The following SPAG16 variants were observed in gnomAD, a reference collection of about 807,000 sequenced individuals.
SPAG16 encodes the protein sperm associated antigen 16, also known as sperm-associated antigen 16 protein.
A neutral mutation model predicts 80.4 loss-of-function variants in SPAG16; 86 were observed. The observed-to-expected ratio is 1.07, with a 90% CI of 0.90 to 1.28. The LOEUF is 1.28. Ranked by LOEUF, SPAG16 falls within the 50% of genes most tolerant of loss-of-function variation. The pLI is 0.00. For synonymous variants in SPAG16, 294 were observed against 265.9 expected, an observed-to-expected ratio of 1.11 and a Z score of -1.03; for missense variants, 870 against 765.3, an observed-to-expected ratio of 1.14 and a Z score of -1.61.
chr2:214,271,226 T>C (rs1691972611), intron 15 of SPAG16, among the ~76,000 whole-genome samples: 1 of 152,166 alleles, frequency 6.6e-6, no homozygotes, highest in African/African-American at 2.4e-5. Flanking sequence ...CATAGGAAAT[T>C]AGGAAGTTTT....
intron 10 of SPAG16, among the ~76,000 whole-genome samples, chr2:213,549,115 A>G (rs1029653737): frequency 6.6e-6 from 1 of 151,982 alleles, no homozygotes; most frequent in Admixed American, 6.6e-5. Context: ...TCAAAATGGA[A>G]CTCAATTTTA....
chr2:214,124,517 C>T (rs1356274411), intron 14 of SPAG16, among the ~76,000 whole-genome samples: 1 of 151,838 alleles, frequency 6.6e-6, no homozygotes, highest in African/African-American at 2.4e-5. Context: ...GATTGTTTTA[C>T]ATAACAGGGA....
At chr2:213,836,111 T>C (rs1195985104) in intron 10 of SPAG16, among the ~76,000 whole-genome samples, 1 of 151,940 alleles carries the variant, frequency 6.6e-6, no homozygotes, top group African/African-American at 2.4e-5. Flanking sequence ...CACAATCAAC[T>C]GGTAATACTA....
At chr2:214,283,333 C>T (rs1049593984) in intron 15 of SPAG16, among the ~76,000 whole-genome samples, 11 of 152,052 alleles carry the variant, frequency 7.2e-5, no homozygotes, top group Non-Finnish European at 1.5e-4. Flanking sequence ...CAGCAACAAC[C>T]ACCACAAAAA....
At chr2:214,307,620 T>C (rs1695010188) in intron 15 of SPAG16, among the ~76,000 whole-genome samples, 1 of 152,180 alleles carries the variant, frequency 6.6e-6, no homozygotes, top group African/African-American at 2.4e-5. Context: ...CTCAAAGAAC[T>C]TCTTGACTTC....
At chr2:213,365,358 T>C (rs1171835653) in intron 8 of SPAG16, 3 of 152,186 alleles carry the variant, frequency 2.0e-5, no homozygotes, top group Non-Finnish European at 4.4e-5. Context: ...TGGAAAATAC[T>C]AATAAGTGAA....
chr2:214,346,610 C>T (rs1698070240), intron 15 of SPAG16, among the ~76,000 whole-genome samples: 1 of 152,120 alleles, frequency 6.6e-6, no homozygotes, highest in African/African-American at 2.4e-5. Context: ...CGCTATGTGA[C>T]CTGGGACTAG....
At chr2:214,236,132 C>G (rs1689060811) in intron 15 of SPAG16, among the ~76,000 whole-genome samples, 1 of 152,106 alleles carries the variant, frequency 6.6e-6, no homozygotes, top group South Asian at 2.1e-4. Context: ...GTGTAAATAG[C>G]TCCCATCTGA....
chr2:214,222,364 G>A (rs765887295), intron 15 of SPAG16, among the ~76,000 whole-genome samples: 1 of 152,018 alleles, frequency 6.6e-6, no homozygotes, highest in East Asian at 1.9e-4. Flanking sequence ...TGATCCACCC[G>A]CCTTGGCCTC....
At chr2:214,110,758 G>A (rs2053623444) in intron 14 of SPAG16, among the ~76,000 whole-genome samples, 1 of 152,180 alleles carries the variant, frequency 6.6e-6, no homozygotes, top group South Asian at 2.1e-4. Context: ...GACCAACAGT[G>A]TAAAAGCATT....
chr2:213,737,570 C>T (rs1432668901), intron 10 of SPAG16, among the ~76,000 whole-genome samples: 1 of 150,376 alleles, frequency 6.6e-6, no homozygotes, highest in Non-Finnish European at 1.5e-5. Flanking sequence ...TCACTGCAAG[C>T]TCCGCCTCCC....
At chr2:214,347,009 G>T (rs1356861488) in intron 15 of SPAG16, among the ~76,000 whole-genome samples, 1 of 152,174 alleles carries the variant, frequency 6.6e-6, no homozygotes, top group Non-Finnish European at 1.5e-5. Flanking sequence ...ACAGAATTTG[G>T]TACCTGAAAG....
In SPAG16 at chr2:214,396,299, T is replaced by C. The variant is rs192367954; in HGVS notation, c.1721-13841T>C. On this transcript the variant is annotated intron_variant, in intron 15 of 15. Coordinates refer to ENST00000331683, the MANE Select transcript of SPAG16 (RefSeq NM_024532.5). ...CTCCAGTTTGTTTTTTTAATGATTA[T>C]ATTTAGTATCTTCATTTATCACTCA... 3.9e-3 allele frequency among the ~76,000 whole-genome samples: 591 copies of C among 152,274 alleles called. 1 individual carries two copies. The highest frequency in any genetic ancestry group is 0.01 in the Middle Eastern group (3 of 294).
At chr2:213,602,646 GCAA>G (rs1231371460) in intron 10 of SPAG16, among the ~76,000 whole-genome samples, 1 of 152,096 alleles carries the variant, frequency 6.6e-6, no homozygotes, top group Non-Finnish European at 1.5e-5. Context: ...AAACAAAAAA[GCAA>G]CAACAACAAC....
intron 15 of SPAG16, among the ~76,000 whole-genome samples, chr2:214,305,531 T>C (rs2125965517): frequency 6.6e-6 from 1 of 152,336 alleles, no homozygotes; most frequent in South Asian, 2.1e-4. Flanking sequence ...CTTTAATGTA[T>C]CTTGAATTAA....
At chr2:214,007,905 T>C (rs2047098894) in intron 12 of SPAG16, among the ~76,000 whole-genome samples, 1 of 152,186 alleles carries the variant, frequency 6.6e-6, no homozygotes, top group Admixed American at 6.6e-5. Flanking sequence ...TTGATAGTTT[T>C]CATTAAATTG....
chr2:213,631,115 T>C (rs1381710971), intron 10 of SPAG16, among the ~76,000 whole-genome samples: 3 of 152,092 alleles, frequency 2.0e-5, no homozygotes, highest in Non-Finnish European at 4.4e-5. Flanking sequence ...GTAGAACAAA[T>C]TTGGCATGAC....
At chr2:214,392,407 C>T (rs554944543) in intron 15 of SPAG16, among the ~76,000 whole-genome samples, 12 of 152,098 alleles carry the variant, frequency 7.9e-5, no homozygotes, top group Non-Finnish European at 1.5e-4. Context: ...CCACCCGCCT[C>T]AGCCTCCCAA....
intron 12 of SPAG16, among the ~76,000 whole-genome samples, chr2:213,961,057 A>G (rs1021679294): frequency 4.6e-5 from 7 of 152,202 alleles, no homozygotes; most frequent in Non-Finnish European, 1.0e-4. Context: ...AGCTACTATT[A>G]TGTTAAGAGC....
Sources: allele counts gnomAD v4.1 joint callset (sites outside exome capture counted in the v4.1 genomes callset), GRCh38; gene constraint gnomAD v4.1.1; transcripts MANE v1.5; gene names NCBI Gene and HGNC (gene_info 2026-07-23, HGNC 2026-07-21).